Variants in TEC observed in about 807,000 individuals in gnomAD.
TEC encodes tec protein tyrosine kinase, also known as tyrosine-protein kinase Tec.
A neutral mutation model predicts 93.0 loss-of-function variants in TEC; 72 were observed. That is an observed-to-expected ratio of 0.77 (90% CI 0.64 to 0.94). The LOEUF (loss-of-function observed/expected upper bound fraction) is 0.94, where lower values mean the gene tolerates loss of function less well. TEC is among the 40% of genes least tolerant of loss of function. The pLI, the probability that TEC is intolerant of heterozygous loss-of-function variation, is 0.00. For synonymous variants in TEC, 249 were observed against 247.7 expected, an observed-to-expected ratio of 1.01 and a Z score of -0.05; for missense variants, 630 against 757.9, an observed-to-expected ratio of 0.83 and a Z score of 1.98.
intron 2 of TEC, among the ~76,000 whole-genome samples, chr4:48,215,703 A>G (rs575739240): frequency 6.6e-6 from 1 of 152,312 alleles, no homozygotes; most frequent in South Asian, 2.1e-4. Flanking sequence ...GACAAAGAGC[A>G]TCGGTATTTG....
chr4:48,189,744 C>A (rs1046939233), intron 2 of TEC, among the ~76,000 whole-genome samples: 3 of 152,312 alleles, frequency 2.0e-5, no homozygotes, highest in African/African-American at 7.2e-5. Flanking sequence ...TCTGATTTAA[C>A]CCATATTCAA....
At chr4:48,212,110 A>AAAAATATATATAT in intron 2 of TEC, among the ~76,000 whole-genome samples, 63 of 122,234 alleles carry the variant, frequency 5.2e-4, no homozygotes, top group Middle Eastern at 4.3e-3. Flanking sequence ...AAAAAAAAAA[A>AAAAATATATATAT]ATATATATAT....
At chr4:48,255,691 C>T (rs563791344) in intron 1 of TEC, among the ~76,000 whole-genome samples, 1 of 152,274 alleles carries the variant, frequency 6.6e-6, no homozygotes, top group South Asian at 2.1e-4. Context: ...AACTCAGGTT[C>T]CTCATTGTAA....
intron 2 of TEC, among the ~76,000 whole-genome samples, chr4:48,204,395 G>A (rs1577634166): frequency 6.6e-6 from 1 of 152,164 alleles, no homozygotes. Flanking sequence ...GAGGTTTTAA[G>A]CCCACCCTAT....
chr4:48,156,624 T>C (rs1387616128), intron 9 of TEC, 56 bp downstream of exon 9: 6 of 1,476,646 alleles, frequency 4.1e-6, no homozygotes, highest in Non-Finnish European at 5.6e-6. Flanking sequence ...CTACTTATTA[T>C]GGACTCATTA....
At chr4:48,231,160 G>C (rs888057772) in intron 1 of TEC, among the ~76,000 whole-genome samples, 5 of 152,118 alleles carry the variant, frequency 3.3e-5, no homozygotes, top group Admixed American at 2.6e-4. Context: ...ATAGAATTGA[G>C]AGCCACTATC....
At chr4:48,174,932 G>A (rs1362407413) in intron 3 of TEC, among the ~76,000 whole-genome samples, 1 of 152,110 alleles carries the variant, frequency 6.6e-6, no homozygotes, top group Non-Finnish European at 1.5e-5. Context: ...CATGAAATGA[G>A]TACTATTATT....
At chr4:48,243,722 G>A (rs1466517162) in intron 1 of TEC, among the ~76,000 whole-genome samples, 1 of 152,150 alleles carries the variant, frequency 6.6e-6, no homozygotes, top group African/African-American at 2.4e-5. Flanking sequence ...AACTCTGCCT[G>A]GAGATAAGAG....
intron 1 of TEC, among the ~76,000 whole-genome samples, chr4:48,265,971 G>T (rs1407843489): frequency 2.0e-5 from 3 of 152,148 alleles, no homozygotes; most frequent in African/African-American, 7.2e-5. Context: ...AAACTTCAGG[G>T]AGGACCCAGC....
chr4:48,241,076 A>G (rs1169622200), intron 1 of TEC, among the ~76,000 whole-genome samples: 1 of 152,156 alleles, frequency 6.6e-6, no homozygotes, highest in Non-Finnish European at 1.5e-5. Context: ...TAATCTAACT[A>G]CTGTTTGGAA....
At position 48,145,745 on chromosome 4, in the gene TEC, G is replaced by A. The variant is rs577916402; in HGVS notation, c.1082-166C>T. Among the ~76,000 whole-genome samples, 284 of 152,334 alleles carry A rather than the reference G, an allele frequency of 1.9e-3. 1 individual carries two copies. Among genetic ancestry groups the A allele is most frequent in the Admixed American group, 2.7e-3 (42 of 15,306 alleles). ...CAGACTTGAAACCTGCATCTGAACT[G>A]CCAAAGGTGGGAAGGATGAATCCCT... On this transcript the variant is annotated intron_variant, in intron 12 of 17. Coordinates refer to ENST00000381501, the MANE Select transcript of TEC (RefSeq NM_003215.3).
rs1310259039 is a variant in TEC, at chr4:48,150,401, G to C, written c.872+462C>G. Among the ~76,000 whole-genome samples, 3 of 152,048 alleles carry C rather than the reference G, an allele frequency of 2.0e-5. No homozygotes were observed. In the South Asian group the frequency reaches 6.2e-4, roughly 31 times the overall value. On this transcript the variant is annotated intron_variant, in intron 10 of 17. Transcript: ENST00000381501. ...CAGGTCTCAGCCTGGATATCACTTG[G>C]GAGAGCGTTCATGACTAACTCAAGA...
intron 1 of TEC, among the ~76,000 whole-genome samples, chr4:48,238,950 T>A (rs1723859095): frequency 6.6e-6 from 1 of 152,154 alleles, no homozygotes; most frequent in Non-Finnish European, 1.5e-5. Flanking sequence ...AGATGGAGCC[T>A]GATCCTGGAA....
At chr4:48,153,789 A>G (rs765481343) in intron 9 of TEC, among the ~76,000 whole-genome samples, 1 of 152,190 alleles carries the variant, frequency 6.6e-6, no homozygotes, top group Non-Finnish European at 1.5e-5. Context: ...AATGAGTGAC[A>G]TTACTACCCA....
chr4:48,192,260 A>T (rs1034909855), intron 2 of TEC, among the ~76,000 whole-genome samples: 1 of 152,236 alleles, frequency 6.6e-6, no homozygotes, highest in Non-Finnish European at 1.5e-5. Flanking sequence ...AGTACCTGCT[A>T]TATAAGTTTG....
In TEC at chr4:48,228,546, G is replaced by C. The variant is rs775066190; in HGVS notation, c.69C>G (p.Pro23=). The change falls in exon 2 of 18, where the codon CCC becomes CCG. Residue 23 remains proline, a synonymous_variant. Transcript: ENST00000381501. Reference sequence around the variant, plus strand: ...CAAAAAGTCTCTCTTTGTAGTTTAAGGGCGATGTCTTCTTTTTCTGCTGTG... The same window carrying C: ...CAAAAAGTCTCTCTTTGTAGTTTAACGGCGATGTCTTCTTTTTCTGCTGTG... ...KRSQQKKKTS[P]LNYKERLFVL... The C allele has an allele frequency of 1.2e-6, 2 of 1,613,696 alleles. No homozygotes were observed. Among genetic ancestry groups the C allele is most frequent in the Non-Finnish European group, 1.7e-6 (2 of 1,179,958 alleles).
At chr4:48,200,943 T>C (rs1368916979) in intron 2 of TEC, among the ~76,000 whole-genome samples, 1 of 152,232 alleles carries the variant, frequency 6.6e-6, no homozygotes, top group East Asian at 1.9e-4. Flanking sequence ...TTTTCCACAC[T>C]GAGAAAAAGA....
intron 2 of TEC, among the ~76,000 whole-genome samples, chr4:48,228,217 C>T (rs566628157): frequency 1.3e-5 from 2 of 152,132 alleles, no homozygotes; most frequent in Non-Finnish European, 2.9e-5. Context: ...GCCATATGTA[C>T]AATGCACCTT....
chr4:48,243,479 G>A (rs1438770207), intron 1 of TEC, among the ~76,000 whole-genome samples: 1 of 152,188 alleles, frequency 6.6e-6, no homozygotes, highest in Admixed American at 6.5e-5. Context: ...CAAACACTCA[G>A]GAAAGCAATT....
Sources: gnomAD v4.1 joint callset for allele counts (sites outside exome capture counted in the v4.1 genomes callset) on GRCh38, gnomAD v4.1.1 for gene constraint, MANE v1.5 for transcripts, NCBI Gene and HGNC (gene_info 2026-07-23, HGNC 2026-07-21) for gene names.